Variants in CDH6 observed in about 807,000 individuals in gnomAD.
The protein encoded by CDH6 is cadherin-6.
A neutral mutation model predicts 78.0 loss-of-function variants in CDH6; 31 were observed. The ratio of observed to expected loss-of-function variants is 0.40; its 90% CI spans 0.30 to 0.54. The LOEUF (loss-of-function observed/expected upper bound fraction) is 0.54, where lower values mean the gene tolerates loss of function less well. Ranked by LOEUF, CDH6 falls within the 20% of genes least tolerant of loss-of-function variation. The pLI, the probability that CDH6 is intolerant of heterozygous loss-of-function variation, is 0.56. For missense variants in CDH6, 724 were observed against 975.9 expected (o/e 0.74, Z 3.44); for synonymous variants, 376 against 368.8 (o/e 1.02, Z -0.23).
chr5:31,325,937 T>TC lies in CDH6; in HGVS notation c.*2630dup. 4.3e-6 allele frequency: 1 copy of TC among 232,238 alleles called. No homozygotes were observed. The highest frequency in any genetic ancestry group is 6.1e-5 in the East Asian group (1 of 16,440). 14.4% of individuals were successfully genotyped at this position (232,238 alleles called of 1,614,324 possible). On this transcript the variant is annotated 3_prime_UTR_variant, in exon 12 of 12. Transcript: ENST00000265071. ...TTTGACATCGTGGAACCAATAAGAG[T>TC]CATAGTTCCATCATTCTCCAGCTTC...
chr5:31,317,269 T>C (rs1738350153), intron 9 of CDH6, 106 bp from the exon 10 acceptor site: 2 of 658,098 alleles, frequency 3.0e-6, no homozygotes, highest in Non-Finnish European at 5.4e-6. Context: ...CTATCATTTT[T>C]ATAATTAAAT....
Position 31,317,861 on chromosome 5 carries a change from C to T in CDH6, c.1819C>T (p.His607Tyr). 1 of 1,614,056 alleles carries T rather than the reference C, an allele frequency of 6.2e-7. No individual in the cohort carries two copies. Among genetic ancestry groups the T allele is most frequent in the Middle Eastern group, 1.6e-4 (1 of 6,062 alleles). ...MQSCHAEALI[H>Y]PTGLSTGALV... ...ATCCTGCCATGCGGAGGCGCTCATC[C>T]ACCCCACGGGACTGAGCACGGGGGC... The change falls in exon 11 of 12, where the codon CAC becomes TAC. Residue 607 changes from histidine to tyrosine, a missense_variant. By Grantham distance (83) the His-to-Tyr change is moderately conservative (BLOSUM62 2). This residue lies in a region of CDH6 where 220 missense variants were observed against 240.6 expected (regional missense o/e 0.91). Coordinates refer to ENST00000265071, the MANE Select transcript of CDH6 (RefSeq NM_004932.4).
In CDH6 at chr5:31,201,249, A is replaced by G. The variant is rs529525168; in HGVS notation, c.-129+7363A>G. ...TGTTCCTACATTTTGCAAATTTCCT[A>G]TTGCAAAGAAGAATTAATATTTTCC... On this transcript the variant is annotated intron_variant, in intron 1 of 11. Transcript: ENST00000265071. Among the ~76,000 whole-genome samples, 29 of 152,318 alleles carry G rather than the reference A, an allele frequency of 1.9e-4. 1 individual carries two copies. In the East Asian group the frequency reaches 5.6e-3, roughly 29 times the overall value.
chr5:31,245,174 A>G (rs919086464), intron 1 of CDH6, among the ~76,000 whole-genome samples: 18 of 152,220 alleles, frequency 1.2e-4, no homozygotes, highest in Admixed American at 9.2e-4. Flanking sequence ...TGACCACTGC[A>G]TGTATATGAC....
At chr5:31,220,948 T>G (rs1040477068) in intron 1 of CDH6, among the ~76,000 whole-genome samples, 1 of 152,174 alleles carries the variant, frequency 6.6e-6, no homozygotes, top group African/African-American at 2.4e-5. Context: ...AACATCTGGA[T>G]TTATTCTTTC....
chr5:31,302,802 A>G lies in CDH6; in HGVS notation c.999+504A>G, dbSNP rs531859110. 1.4e-3 allele frequency among the ~76,000 whole-genome samples: 98 copies of G among 68,876 alleles called. 2 individuals are homozygous for G. Among genetic ancestry groups the G allele is most frequent in the Middle Eastern group, 7.8e-3 (1 of 128 alleles). 45.2% of individuals were successfully genotyped at this position (68,876 alleles called of 152,430 possible). A position where few individuals can be genotyped will look rare whatever the true frequency, so the allele number is the denominator to read the frequency against. On this transcript the variant is annotated intron_variant, in intron 6 of 11. Transcript: ENST00000265071. The stretch of plus-strand genomic sequence containing the variant: ...AAAGAGAGAGAGAGAGAGAGAGAGA[A>G]AGAAAGAAAGAAAGAAAGAAAGAAA...
intron 3 of CDH6, among the ~76,000 whole-genome samples, chr5:31,295,182 C>T (rs145483508): frequency 6.6e-6 from 1 of 152,270 alleles, no homozygotes; most frequent in African/African-American, 2.4e-5. Flanking sequence ...TTGCTTTTCT[C>T]ATTATTTAAA....
chr5:31,317,881 G>C lies in CDH6; in HGVS notation c.1839G>C (p.Thr613=), dbSNP rs571410704. The C allele has an allele frequency of 3.1e-6, 5 of 1,613,534 alleles. No individual in the cohort carries two copies. Among genetic ancestry groups the C allele is most frequent in the Non-Finnish European group, 3.4e-6 (4 of 1,179,818 alleles). The change falls in exon 11 of 12, where the codon ACG becomes ACC. Residue 613 remains threonine, a synonymous_variant. Transcript: ENST00000265071. ...EALIHPTGLS[T]GALVAILLCI... ...TCATCCACCCCACGGGACTGAGCACGGGGGCTCTGGTTGCCATCCTTCTGT... is the reference window on the plus strand; with the variant it reads ...TCATCCACCCCACGGGACTGAGCACCGGGGCTCTGGTTGCCATCCTTCTGT...
rs2287581 is a variant in CDH6 at position 31,305,158 on chromosome 5, C to T, written c.1000-16C>T. The T allele has an allele frequency of 0.062, 98,289 of 1,597,944 alleles. 3,336 individuals carry two copies. Among genetic ancestry groups the T allele is most frequent in the South Asian group, 0.11 (9,331 of 88,514 alleles). The stretch of plus-strand genomic sequence containing the variant: ...GCTTTAAATATGTCACTTCTTCCCC[C>T]ACCCCCAACCTCAAGCTCTTGGACT... On this transcript the variant is annotated splice_polypyrimidine_tract_variant and intron_variant, in intron 6 of 11. Coordinates refer to ENST00000265071, the MANE Select transcript of CDH6 (RefSeq NM_004932.4).
chr5:31,255,879 C>G (rs762455261), intron 1 of CDH6, among the ~76,000 whole-genome samples: 6 of 152,218 alleles, frequency 3.9e-5, no homozygotes, highest in Non-Finnish European at 7.3e-5. Context: ...GCTATCCAAA[C>G]AGCAAGTGGA....
chr5:31,321,992 A>C (rs1738487740), intron 11 of CDH6, among the ~76,000 whole-genome samples: 1 of 152,384 alleles, frequency 6.6e-6, no homozygotes, highest in East Asian at 1.9e-4. Flanking sequence ...GGAGCTATTT[A>C]AACGCAATTC....
chr5:31,313,321 C>T lies in CDH6; in HGVS notation c.1257C>T (p.Tyr419=), dbSNP rs1399955603. The change falls in exon 8 of 12, where the codon TAC becomes TAT. Residue 419 remains tyrosine (Y), a synonymous_variant. Transcript: ENST00000265071. Reference sequence around the variant, plus strand: ...TAATTCCACTCTGCATTTTCAGGTACTCTGTAGATCGACACACAGATATGG... The same window carrying T: ...TAATTCCACTCTGCATTTTCAGGTATTCTGTAGATCGACACACAGATATGG... ...DPDAARNPVK[Y]SVDRHTDMDR... The T allele has an allele frequency of 3.7e-6, 6 of 1,610,714 alleles. No individual in the cohort carries two copies. The highest frequency in any genetic ancestry group is 1.1e-5 in the South Asian group (1 of 90,774).
At chr5:31,312,952 C>CAT (rs1421747324) in intron 7 of CDH6, among the ~76,000 whole-genome samples, 1 of 151,380 alleles carries the variant, frequency 6.6e-6, no homozygotes, top group Non-Finnish European at 1.5e-5. Context: ...CAAGCACACA[C>CAT]ACACACACAC....
intron 1 of CDH6, among the ~76,000 whole-genome samples, chr5:31,210,076 TTGTG>T (rs60543109): frequency 1.8e-4 from 26 of 146,560 alleles, no homozygotes; most frequent in Admixed American, 4.1e-4. Context: ...TTTTCTTAAA[TTGTG>T]TGTGTGTGTG....
chr5:31,285,160 C>T (rs999777864), intron 2 of CDH6, among the ~76,000 whole-genome samples: 1 of 152,134 alleles, frequency 6.6e-6, no homozygotes, highest in African/African-American at 2.4e-5. Flanking sequence ...AATATGTGAC[C>T]CTGCAACTTA....
intron 2 of CDH6, among the ~76,000 whole-genome samples, chr5:31,280,394 A>G (rs1299328419): frequency 6.6e-6 from 1 of 152,192 alleles, no homozygotes; most frequent in Non-Finnish European, 1.5e-5. Context: ...CAGGGGATCC[A>G]CATAACCACT....
intron 1 of CDH6, among the ~76,000 whole-genome samples, chr5:31,254,066 C>T (rs1741984894): frequency 6.6e-6 from 1 of 152,158 alleles, no homozygotes; most frequent in Admixed American, 6.5e-5. Flanking sequence ...GTGGTGAAAT[C>T]TTGCCCCCTC....
At chr5:31,309,934 T>C (rs1174917698) in intron 7 of CDH6, among the ~76,000 whole-genome samples, 1 of 152,184 alleles carries the variant, frequency 6.6e-6, no homozygotes, top group Non-Finnish European at 1.5e-5. Flanking sequence ...CAATTTGAGA[T>C]CAGATTTGGG....
chr5:31,195,765 C>A (rs1220907913), intron 1 of CDH6, among the ~76,000 whole-genome samples: 2 of 152,162 alleles, frequency 1.3e-5, no homozygotes, highest in Non-Finnish European at 2.9e-5. Context: ...TCCCCTTTTG[C>A]TCTTTGATGT....
Sources: allele counts gnomAD v4.1 joint callset (sites outside exome capture counted in the v4.1 genomes callset), GRCh38; gene constraint gnomAD v4.1.1; regional missense constraint gnomAD v4.1.1; transcripts MANE v1.5; gene names NCBI Gene and HGNC (gene_info 2026-07-23, HGNC 2026-07-21).